Variants in CACHD1 observed in about 807,000 individuals in gnomAD.
CACHD1 encodes cache domain containing 1, also known as VWFA and cache domain-containing protein 1.
A neutral mutation model predicts 138.7 loss-of-function variants in CACHD1; 71 were observed. The ratio of observed to expected loss-of-function variants is 0.51; its 90% CI spans 0.42 to 0.62. The LOEUF is 0.62. CACHD1 is among the 20% of genes least tolerant of loss of function. CACHD1 has a pLI of 0.00. For missense variants in CACHD1, 1,389 were observed against 1,625.3 expected (o/e 0.85, Z 2.50); for synonymous variants, 578 against 591.5 (o/e 0.98, Z 0.33).
chr1:64,605,439 G>C (rs563517055), intron 4 of CACHD1, among the ~76,000 whole-genome samples: 1 of 152,052 alleles, frequency 6.6e-6, no homozygotes, highest in Non-Finnish European at 1.5e-5. Flanking sequence ...AGCATTTGCT[G>C]TTTTTATAAT....
At chr1:64,550,549 A>G in intron 1 of CACHD1, 45 bp from the exon 2 acceptor site, 2 of 1,397,778 alleles carry the variant, frequency 1.4e-6, no homozygotes, top group Non-Finnish European at 2.0e-6. Context: ...CATGTAGAAA[A>G]TGACTTATTT....
At chr1:64,680,627 T>C (rs1650144565) in intron 24 of CACHD1, among the ~76,000 whole-genome samples, 1 of 152,158 alleles carries the variant, frequency 6.6e-6, no homozygotes, top group South Asian at 2.1e-4. Context: ...TTAATGGCCA[T>C]CTCCATCCTT....
chr1:64,664,815 T>C (rs1049218494), intron 15 of CACHD1, 136 bp downstream of exon 15: 12 of 752,370 alleles, frequency 1.6e-5, no homozygotes, highest in Non-Finnish European at 2.2e-5. Flanking sequence ...TGTTCCTGAA[T>C]AGTTTTTTCA....
intron 1 of CACHD1, among the ~76,000 whole-genome samples, chr1:64,548,951 A>G (rs1009924738): frequency 7.9e-5 from 12 of 152,190 alleles, no homozygotes; most frequent in Non-Finnish European, 1.8e-4. Flanking sequence ...TTATAAGACA[A>G]TAGAGTTAGG....
chr1:64,499,085 G>A (rs535593584), intron 1 of CACHD1, among the ~76,000 whole-genome samples: 6 of 152,228 alleles, frequency 3.9e-5, no homozygotes, highest in African/African-American at 9.6e-5. Flanking sequence ...CCAGCATCTC[G>A]TATCAGCAAT....
At chr1:64,472,827 T>C (rs1458375614) in intron 1 of CACHD1, among the ~76,000 whole-genome samples, 1 of 152,192 alleles carries the variant, frequency 6.6e-6, no homozygotes. Context: ...TCCCTAGGGC[T>C]GGACAAGAAA....
intron 1 of CACHD1, among the ~76,000 whole-genome samples, chr1:64,540,686 A>G (rs1646670759): frequency 6.6e-6 from 1 of 152,180 alleles, no homozygotes; most frequent in Non-Finnish European, 1.5e-5. Flanking sequence ...ACAGGAAATC[A>G]AGTGATCAAG....
At chr1:64,490,115 G>A (rs908178087) in intron 1 of CACHD1, among the ~76,000 whole-genome samples, 1 of 152,116 alleles carries the variant, frequency 6.6e-6, no homozygotes, top group African/African-American at 2.4e-5. Flanking sequence ...TTTCAATGTC[G>A]CCCCTGTCCA....
intron 4 of CACHD1, among the ~76,000 whole-genome samples, chr1:64,612,764 G>C (rs1647578849): frequency 6.6e-6 from 1 of 152,206 alleles, no homozygotes; most frequent in Non-Finnish European, 1.5e-5. Flanking sequence ...CTCTGATGGA[G>C]ATGTGCCAGG....
chr1:64,681,933 C>G (rs751683177), intron 25 of CACHD1, 72 bp from the exon 26 acceptor site: 12 of 1,324,712 alleles, frequency 9.1e-6, no homozygotes, highest in Admixed American at 1.7e-5. Context: ...TGAGCCCTCT[C>G]AGAGCAAATG....
At chr1:64,566,580 T>C (rs943456903) in intron 2 of CACHD1, among the ~76,000 whole-genome samples, 12 of 147,066 alleles carry the variant, frequency 8.2e-5, no homozygotes, top group African/African-American at 2.2e-4. Context: ...GCAATTCCTC[T>C]TATTTGTTTG....
chr1:64,590,141 A>G (rs1451331033), intron 3 of CACHD1, among the ~76,000 whole-genome samples: 1 of 152,052 alleles, frequency 6.6e-6, no homozygotes, highest in East Asian at 1.9e-4. Context: ...ACCCGTCTCT[A>G]CTAAAAACAA....
chr1:64,628,339 A>G (rs552936982), intron 4 of CACHD1, among the ~76,000 whole-genome samples: 18 of 152,236 alleles, frequency 1.2e-4, no homozygotes, highest in Non-Finnish European at 2.2e-4. Context: ...TTGTATATCA[A>G]TTATTACAAT....
chr1:64,689,490 G>A (rs139360522), intron 26 of CACHD1, among the ~76,000 whole-genome samples: 73 of 151,874 alleles, frequency 4.8e-4, no homozygotes, highest in African/African-American at 1.7e-3. Context: ...TATCCCTCAC[G>A]CGGGCTGTTG....
rs1646854151 is a variant in CACHD1 at position 64,562,987 on chromosome 1, T to G, written c.261+12331T>G. ...AAATCTGGATTCTGTTATATTCTTG[T>G]GAGGAGTGTTTGTTTGTTTTAGCAG... On this transcript the variant is annotated intron_variant, in intron 2 of 26. Coordinates refer to ENST00000651257, the MANE Select transcript of CACHD1 (RefSeq NM_020925.4). Among the ~76,000 whole-genome samples the G allele has an allele frequency of 2.0e-5, 3 of 152,196 alleles. No individual in the cohort carries two copies. The South Asian group carries it at 6.2e-4, about 31-fold the overall frequency.
rs371248116 is a variant in CACHD1 at position 64,519,772 on chromosome 1, C to T, written c.199-30822C>T. On this transcript the variant is annotated intron_variant, in intron 1 of 26. Coordinates refer to ENST00000651257, the MANE Select transcript of CACHD1 (RefSeq NM_020925.4). ...AAAATAAAATATTGCAAACAGCTCT[C>T]GGTCATTACCACCTGTTGTAAGCTG... Among the ~76,000 whole-genome samples the T allele has an allele frequency of 2.1e-4, 17 of 82,900 alleles. 1 individual carries two copies. In the East Asian group the frequency reaches 3.0e-3, roughly 15 times the overall value. 54.4% of individuals were successfully genotyped at this position (82,900 alleles called of 152,430 possible).
At chr1:64,576,641 T>C (rs1646970033) in intron 2 of CACHD1, among the ~76,000 whole-genome samples, 1 of 152,192 alleles carries the variant, frequency 6.6e-6, no homozygotes, top group African/African-American at 2.4e-5. Context: ...TCAAGAGACT[T>C]GTATGCTCCA....
At chr1:64,535,557 T>C (rs1445653066) in intron 1 of CACHD1, among the ~76,000 whole-genome samples, 6 of 152,194 alleles carry the variant, frequency 3.9e-5, no homozygotes, top group Admixed American at 3.9e-4. Context: ...ACTCCTGACC[T>C]CAGGTGATCC....
At chr1:64,558,837 C>T (rs906438730) in intron 2 of CACHD1, among the ~76,000 whole-genome samples, 7 of 152,090 alleles carry the variant, frequency 4.6e-5, no homozygotes, top group Admixed American at 3.3e-4. Context: ...GGGCAAAGAA[C>T]GTGAACAGAC....
Sources: gnomAD v4.1 joint callset for allele counts (sites outside exome capture counted in the v4.1 genomes callset) on GRCh38, gnomAD v4.1.1 for gene constraint, MANE v1.5 for transcripts, NCBI Gene and HGNC (gene_info 2026-07-23, HGNC 2026-07-21) for gene names.